DLG2: variants seen among roughly 807,000 people sequenced by gnomAD.
DLG2 encodes discs large MAGUK scaffold protein 2.
In DLG2, 45 loss-of-function variants were observed where a neutral mutation model predicts 132.5. The observed-to-expected ratio is 0.34, with a 90% CI of 0.27 to 0.44. The LOEUF (loss-of-function observed/expected upper bound fraction) is 0.44. Among genes scored for constraint, DLG2 ranks in the 20% least tolerant of loss-of-function variants. The pLI is 1.00. For synonymous variants in DLG2, 424 were observed against 419.6 expected, an observed-to-expected ratio of 1.01 and a Z score of -0.13; for missense variants, 1,045 against 1,196.9, an observed-to-expected ratio of 0.87 and a Z score of 1.87.
chr11:84,318,621 T>G (rs2098383196), intron 7 of DLG2, among the ~76,000 whole-genome samples: 1 of 152,208 alleles, frequency 6.6e-6, no homozygotes, highest in African/African-American at 2.4e-5. Context: ...TAAATCACTG[T>G]TAGACTTAAA....
At position 85,012,217 on chromosome 11, in the gene DLG2, A is replaced by C. The variant is rs1249962594; in HGVS notation, c.357+99444T>G. 1.2e-4 allele frequency among the ~76,000 whole-genome samples: 9 copies of C among 72,906 alleles called. 4 individuals carry two copies. Among genetic ancestry groups the C allele is most frequent in the Non-Finnish European group, 2.1e-4 (9 of 42,254 alleles). 47.8% of individuals were successfully genotyped at this position (72,906 alleles called of 152,430 possible). A position where few individuals can be genotyped will look rare whatever the true frequency, so the allele number is the denominator to read the frequency against. On this transcript the variant is annotated intron_variant, in intron 6 of 27. Coordinates refer to ENST00000376104, the MANE Select transcript of DLG2 (RefSeq NM_001142699.3). ...TCTTTTCTGTGTGTGACTTGATCAAAAGTTTTATGGATCAGAGTAAGAGAT... is the reference window on the plus strand; with the variant it reads ...TCTTTTCTGTGTGTGACTTGATCAACAGTTTTATGGATCAGAGTAAGAGAT...
intron 6 of DLG2, among the ~76,000 whole-genome samples, chr11:84,993,710 C>T (rs542768967): frequency 4.6e-5 from 7 of 152,086 alleles, no homozygotes; most frequent in Non-Finnish European, 8.8e-5. Context: ...ATGGTGTTTA[C>T]TCACAACTTT....
In DLG2 at chr11:84,240,374, T is replaced by C. The variant is rs576317483; in HGVS notation, c.573+10864A>G. 7.9e-5 allele frequency among the ~76,000 whole-genome samples: 12 copies of C among 152,372 alleles called. No individual in the cohort carries two copies. In the South Asian group the frequency reaches 1.2e-3, roughly 16 times the overall value. On this transcript the variant is annotated intron_variant, in intron 8 of 27. Transcript: ENST00000376104. ...TCATTATTTTGGTCTCTGTTATATG[T>C]AACTGAACCTGTCTCCTAAAGAATA...
intron 4 of DLG2, among the ~76,000 whole-genome samples, chr11:85,193,222 A>T (rs1372784599): frequency 1.3e-5 from 2 of 152,166 alleles, no homozygotes; most frequent in Non-Finnish European, 2.9e-5. Flanking sequence ...TTCAAGCTTC[A>T]TCCATGTTTT....
chr11:85,397,240 T>C (rs1162912725), intron 3 of DLG2, among the ~76,000 whole-genome samples: 2 of 152,150 alleles, frequency 1.3e-5, no homozygotes, highest in Non-Finnish European at 1.5e-5. Flanking sequence ...AGAGATTTTG[T>C]CACCACCAGG....
intron 3 of DLG2, among the ~76,000 whole-genome samples, chr11:85,511,840 T>A (rs1021187299): frequency 6.6e-6 from 1 of 151,578 alleles, no homozygotes; most frequent in East Asian, 1.9e-4. Context: ...AGCCTCAGCC[T>A]CCCAAATAGC....
intron 6 of DLG2, among the ~76,000 whole-genome samples, chr11:84,839,723 A>G (rs1312514943): frequency 6.6e-6 from 1 of 152,134 alleles, no homozygotes; most frequent in Non-Finnish European, 1.5e-5. Context: ...AAACCTCACA[A>G]AAACACGAAA....
intron 4 of DLG2, among the ~76,000 whole-genome samples, chr11:85,281,272 T>G (rs751422181): frequency 6.6e-6 from 1 of 152,042 alleles, no homozygotes; most frequent in Non-Finnish European, 1.5e-5. Context: ...TCCAGGTCTT[T>G]TAAACTTACA....
intron 4 of DLG2, among the ~76,000 whole-genome samples, chr11:85,260,055 A>G (rs1020379929): frequency 6.6e-6 from 1 of 152,192 alleles, no homozygotes; most frequent in Non-Finnish European, 1.5e-5. Flanking sequence ...ACACAGAATA[A>G]AAATTTTTGG....
At chr11:84,104,371 G>A (rs1479571487) in intron 9 of DLG2, among the ~76,000 whole-genome samples, 7 of 151,916 alleles carry the variant, frequency 4.6e-5, no homozygotes, top group Admixed American at 2.0e-4. Context: ...GCTAAACATC[G>A]GGTACACATG....
chr11:85,437,316 A>C (rs1244861731), intron 3 of DLG2, among the ~76,000 whole-genome samples: 3 of 151,972 alleles, frequency 2.0e-5, no homozygotes, highest in Admixed American at 6.6e-5. Flanking sequence ...TAAAGTAAAA[A>C]AAAAAACAAA....
chr11:83,501,147 C>T (rs1415471140), intron 21 of DLG2, among the ~76,000 whole-genome samples: 4 of 151,302 alleles, frequency 2.6e-5, no homozygotes, highest in African/African-American at 7.3e-5. Flanking sequence ...TCAGAACATA[C>T]GTTGTTGGTC....
chr11:83,982,234 TA>T (rs950801283), intron 11 of DLG2, among the ~76,000 whole-genome samples: 17 of 151,816 alleles, frequency 1.1e-4, no homozygotes, highest in Non-Finnish European at 2.2e-4. Context: ...CTCTCCTTAT[TA>T]AAAAAAATGT....
chr11:85,009,859 G>C (rs1766587527), intron 6 of DLG2, among the ~76,000 whole-genome samples: 1 of 152,050 alleles, frequency 6.6e-6, no homozygotes, highest in South Asian at 2.1e-4. Context: ...ACCAGATTCT[G>C]TCTTCCTTAG....
chr11:84,906,872 A>T (rs1323782951), intron 6 of DLG2, among the ~76,000 whole-genome samples: 1 of 152,212 alleles, frequency 6.6e-6, no homozygotes, highest in Non-Finnish European at 1.5e-5. Flanking sequence ...CTTCTTCTTT[A>T]AACTGTTGTA....
intron 21 of DLG2, among the ~76,000 whole-genome samples, chr11:83,492,059 T>C (rs992138901): frequency 1.3e-5 from 2 of 151,994 alleles, no homozygotes; most frequent in Non-Finnish European, 2.9e-5. Context: ...CAGAATTGAG[T>C]ATTTGCAGCA....
At chr11:83,967,361 A>G (rs1055010707) in intron 12 of DLG2, among the ~76,000 whole-genome samples, 1 of 152,058 alleles carries the variant, frequency 6.6e-6, no homozygotes, top group South Asian at 2.1e-4. Context: ...AATAGTGTAC[A>G]AGTGCTCCCT....
At chr11:84,560,259 C>T (rs1338583372) in intron 6 of DLG2, among the ~76,000 whole-genome samples, 2 of 152,098 alleles carry the variant, frequency 1.3e-5, no homozygotes, top group Non-Finnish European at 2.9e-5. Context: ...TTAAAAATTG[C>T]TGTTGACTAT....
At chr11:85,542,448 A>C (rs2076032545) in intron 3 of DLG2, among the ~76,000 whole-genome samples, 2 of 152,350 alleles carry the variant, frequency 1.3e-5, no homozygotes, top group South Asian at 4.1e-4. Context: ...CTTTGAAGAT[A>C]AAATAGGACA....
Sources: allele counts gnomAD v4.1 joint callset (sites outside exome capture counted in the v4.1 genomes callset), GRCh38; gene constraint gnomAD v4.1.1; transcripts MANE v1.5; gene names NCBI Gene and HGNC (gene_info 2026-07-23, HGNC 2026-07-21).